The following CTNND2 variants were observed in gnomAD, a reference collection of about 807,000 sequenced individuals.
CTNND2 encodes the protein catenin delta 2, also known as catenin delta-2.
CTNND2 carries 22 observed loss-of-function variants against 144.4 expected under a neutral mutation model. The ratio of observed to expected loss-of-function variants is 0.15; its 90% CI spans 0.11 to 0.22. CTNND2 has a LOEUF of 0.22. Among genes scored for constraint, CTNND2 ranks in the 10% least tolerant of loss-of-function variants. The pLI is 1.00. For synonymous variants in CTNND2, 751 were observed against 695.6 expected (o/e 1.08, Z -1.25); for missense variants, 1,353 against 1,618.8 (o/e 0.84, Z 2.82).
chr5:11,901,967 T>C (rs753933222), intron 1 of CTNND2, among the ~76,000 whole-genome samples: 20 of 152,244 alleles, frequency 1.3e-4, no homozygotes, highest in Non-Finnish European at 2.2e-4. Context: ...CATAACGGTG[T>C]GTTCAAAGTG....
At chr5:11,891,608 A>G (rs1736967755) in intron 1 of CTNND2, among the ~76,000 whole-genome samples, 1 of 152,174 alleles carries the variant, frequency 6.6e-6, no homozygotes, top group Admixed American at 6.5e-5. Flanking sequence ...CTAAGAAGAC[A>G]GATGAGAGAT....
intron 5 of CTNND2, among the ~76,000 whole-genome samples, chr5:11,406,115 C>T (rs1383081946): frequency 6.6e-6 from 1 of 152,190 alleles, no homozygotes; most frequent in Non-Finnish European, 1.5e-5. Context: ...CCATTGCACA[C>T]CAGCCTGGGC....
chr5:11,716,483 T>C (rs940851230), intron 2 of CTNND2, among the ~76,000 whole-genome samples: 5 of 152,172 alleles, frequency 3.3e-5, no homozygotes, highest in African/African-American at 1.2e-4. Context: ...GAGGTATTAT[T>C]GCAATTGAAA....
At chr5:11,663,213 A>T (rs1783372668) in intron 2 of CTNND2, among the ~76,000 whole-genome samples, 1 of 152,210 alleles carries the variant, frequency 6.6e-6, no homozygotes, top group African/African-American at 2.4e-5. Flanking sequence ...TGCATAATTG[A>T]TTTGAAATAT....
intron 2 of CTNND2, among the ~76,000 whole-genome samples, chr5:11,678,495 C>A (rs1030872859): frequency 3.3e-5 from 5 of 152,106 alleles, no homozygotes; most frequent in Non-Finnish European, 4.4e-5. Flanking sequence ...TGATAGGTGT[C>A]CATTGAAATA....
At chr5:11,215,957 T>C (rs765527858) in intron 10 of CTNND2, among the ~76,000 whole-genome samples, 11 of 152,250 alleles carry the variant, frequency 7.2e-5, no homozygotes, top group Admixed American at 2.0e-4. Flanking sequence ...TTGGGACTTA[T>C]TCAACATATA....
At chr5:11,516,889 C>G (rs189041363) in intron 3 of CTNND2, among the ~76,000 whole-genome samples, 251 of 152,254 alleles carry the variant, frequency 1.6e-3, no homozygotes, top group African/African-American at 5.3e-3. Context: ...TTAAAAAAGA[C>G]TAAATTTTGA....
chr5:11,256,129 G>C (rs1168117647), intron 9 of CTNND2, among the ~76,000 whole-genome samples: 1 of 152,190 alleles, frequency 6.6e-6, no homozygotes, highest in African/African-American at 2.4e-5. Context: ...ATGCCAAACT[G>C]TGTCACTTCC....
intron 2 of CTNND2, among the ~76,000 whole-genome samples, chr5:11,572,133 G>C (rs1717252268): frequency 6.6e-6 from 1 of 152,160 alleles, no homozygotes; most frequent in African/African-American, 2.4e-5. Context: ...TCAGGGCAAA[G>C]AAGGACAGGT....
chr5:11,751,634 C>T (rs1455224749), intron 1 of CTNND2, among the ~76,000 whole-genome samples: 3 of 151,770 alleles, frequency 2.0e-5, no homozygotes, highest in Non-Finnish European at 1.5e-5. Flanking sequence ...CAGTCTACTG[C>T]TAATGGCCAT....
intron 2 of CTNND2, among the ~76,000 whole-genome samples, chr5:11,657,014 C>T (rs1782952294): frequency 1.3e-5 from 2 of 152,182 alleles, no homozygotes; most frequent in South Asian, 4.1e-4. Context: ...GTGACATATT[C>T]TGATGAGACC....
intron 10 of CTNND2, among the ~76,000 whole-genome samples, chr5:11,229,852 T>C (rs961654718): frequency 2.0e-5 from 3 of 151,826 alleles, no homozygotes; most frequent in Non-Finnish European, 1.5e-5. Context: ...TATAACTGTC[T>C]GTATATGAAA....
chr5:11,252,249 C>T (rs1284822842), intron 9 of CTNND2, among the ~76,000 whole-genome samples: 2 of 152,104 alleles, frequency 1.3e-5, no homozygotes, highest in African/African-American at 4.8e-5. Flanking sequence ...AATGAGAAAT[C>T]AATGAGAGAC....
chr5:11,899,584 G>A (rs114654048), intron 1 of CTNND2, among the ~76,000 whole-genome samples: 2,783 of 152,174 alleles, frequency 0.018, 90 homozygotes, highest in African/African-American at 0.063. Context: ...AATATCCTTT[G>A]TTAGAGAGGA....
At chr5:11,585,054 C>T (rs1368749604) in intron 2 of CTNND2, among the ~76,000 whole-genome samples, 1 of 152,162 alleles carries the variant, frequency 6.6e-6, no homozygotes, top group Non-Finnish European at 1.5e-5. Flanking sequence ...AATGGCCATG[C>T]TTTTCACAGT....
intron 10 of CTNND2, among the ~76,000 whole-genome samples, chr5:11,219,648 A>G (rs1265394687): frequency 6.6e-6 from 1 of 152,156 alleles, no homozygotes; most frequent in Non-Finnish European, 1.5e-5. Flanking sequence ...ATAAGAAGAA[A>G]GCAGAGAGAG....
At chr5:11,134,094 A>G (rs1243221640) in intron 12 of CTNND2, among the ~76,000 whole-genome samples, 1 of 152,178 alleles carries the variant, frequency 6.6e-6, no homozygotes, top group East Asian at 1.9e-4. Flanking sequence ...TCAGAAGAGG[A>G]AGGCACAAGG....
chr5:11,049,219 T>G (rs1745585188), intron 16 of CTNND2, among the ~76,000 whole-genome samples: 1 of 152,156 alleles, frequency 6.6e-6, no homozygotes, highest in Non-Finnish European at 1.5e-5. Flanking sequence ...TATTCCATAC[T>G]TCTCACCTGC....
intron 1 of CTNND2, among the ~76,000 whole-genome samples, chr5:11,830,792 C>T (rs1050331107): frequency 2.0e-5 from 3 of 152,130 alleles, no homozygotes; most frequent in African/African-American, 7.2e-5. Context: ...TTACGCACCT[C>T]CAGCAACTCC....
Sources: gnomAD v4.1 joint callset for allele counts (sites outside exome capture counted in the v4.1 genomes callset) on GRCh38, gnomAD v4.1.1 for gene constraint, MANE v1.5 for transcripts, NCBI Gene and HGNC (gene_info 2026-07-23, HGNC 2026-07-21) for gene names.